RYR3: variants seen among roughly 807,000 people sequenced by gnomAD.
RYR3 encodes brain ryanodine receptor-calcium release channel.
RYR3 carries 207 observed loss-of-function variants against 584.3 expected under a neutral mutation model. The ratio of observed to expected loss-of-function variants is 0.35; its 90% CI spans 0.32 to 0.40. The LOEUF is 0.40. Among genes scored for constraint, RYR3 ranks in the 10% least tolerant of loss-of-function variants. RYR3 has a pLI of 1.00. For missense variants in RYR3, 5,616 were observed against 6,089.2 expected (o/e 0.92, Z 2.59); for synonymous variants, 2,416 against 2,248.5 (o/e 1.07, Z -2.11).
At chr15:33,430,533 G>A (rs12440037) in intron 1 of RYR3, among the ~76,000 whole-genome samples, 1 of 152,088 alleles carries the variant, frequency 6.6e-6, no homozygotes, top group Non-Finnish European at 1.5e-5. Flanking sequence ...AGGCCCCTTA[G>A]AAAGAAATTT....
intron 1 of RYR3, among the ~76,000 whole-genome samples, chr15:33,466,193 T>C (rs1203217714): frequency 6.6e-6 from 1 of 151,552 alleles, no homozygotes; most frequent in Non-Finnish European, 1.5e-5. Flanking sequence ...AAGGGGAGAG[T>C]ACAGGTAAAG....
In RYR3 at chr15:33,773,518, T is replaced by G; in HGVS notation, c.9056-16T>G. The G allele has an allele frequency of 6.3e-7, 1 of 1,580,062 alleles. No individual in the cohort carries two copies. The highest frequency in any genetic ancestry group is 8.7e-7 in the Non-Finnish European group (1 of 1,155,498). ...CAGGATTGATGCAAATCAATGATAT[T>G]TCTTCTTTGTTTCAGTGGGTGATGT... On this transcript the variant is annotated splice_polypyrimidine_tract_variant and intron_variant, in intron 63 of 103. Coordinates refer to ENST00000634891, the MANE Select transcript of RYR3 (RefSeq NM_001036.6).
intron 1 of RYR3, among the ~76,000 whole-genome samples, chr15:33,376,248 C>T (rs529910530): frequency 2.0e-5 from 3 of 152,246 alleles, no homozygotes; most frequent in African/African-American, 7.2e-5. Flanking sequence ...TGGCTTCTTT[C>T]CCTCAACCTA....
chr15:33,458,835 C>T (rs1216163144), intron 1 of RYR3, among the ~76,000 whole-genome samples: 1 of 152,168 alleles, frequency 6.6e-6, no homozygotes, highest in Non-Finnish European at 1.5e-5. Flanking sequence ...CTGGTGTTTT[C>T]TGGGGTCAAC....
At chr15:33,768,038 T>C (rs1235054652) in intron 60 of RYR3, among the ~76,000 whole-genome samples, 1 of 152,126 alleles carries the variant, frequency 6.6e-6, no homozygotes, top group African/African-American at 2.4e-5. Context: ...AACACAAAAA[T>C]ATACAACATG....
At chr15:33,366,811 A>C (rs534565682) in intron 1 of RYR3, among the ~76,000 whole-genome samples, 1 of 152,348 alleles carries the variant, frequency 6.6e-6, no homozygotes, top group African/African-American at 2.4e-5. Context: ...CTTGTTATAC[A>C]TAGTCCAAAT....
intron 60 of RYR3, among the ~76,000 whole-genome samples, chr15:33,766,390 G>A (rs1042286617): frequency 2.0e-5 from 3 of 152,048 alleles, no homozygotes; most frequent in Non-Finnish European, 4.4e-5. Flanking sequence ...GACAGGAGAC[G>A]CCCCATGCTA....
intron 38 of RYR3, among the ~76,000 whole-genome samples, chr15:33,685,181 G>T (rs1305957768): frequency 6.6e-6 from 1 of 152,218 alleles, no homozygotes; most frequent in Admixed American, 6.5e-5. Context: ...ACCCATCAGT[G>T]TGCTGTATTC....
intron 1 of RYR3, among the ~76,000 whole-genome samples, chr15:33,429,734 G>A (rs950522868): frequency 4.6e-5 from 7 of 152,160 alleles, no homozygotes; most frequent in African/African-American, 9.7e-5. Flanking sequence ...TGTTAAGCAC[G>A]TATAAGAAAA....
chr15:33,648,093 G>C (rs746304315), intron 30 of RYR3, among the ~76,000 whole-genome samples: 1 of 149,950 alleles, frequency 6.7e-6, no homozygotes, highest in Non-Finnish European at 1.5e-5. Flanking sequence ...TCAGGAACAA[G>C]ATTCTTGCTG....
At chr15:33,400,337 C>T (rs1309357055) in intron 1 of RYR3, among the ~76,000 whole-genome samples, 2 of 152,180 alleles carry the variant, frequency 1.3e-5, no homozygotes, top group Admixed American at 1.3e-4. Flanking sequence ...TCAACCCTAC[C>T]TACCACCAAC....
intron 65 of RYR3, among the ~76,000 whole-genome samples, chr15:33,784,422 TA>T (rs2074579880): frequency 6.6e-6 from 1 of 152,260 alleles, no homozygotes; most frequent in Non-Finnish European, 1.5e-5. Context: ...CCCAATTCAC[TA>T]AACATACATT....
intron 12 of RYR3, among the ~76,000 whole-genome samples, chr15:33,573,405 A>G (rs999502083): frequency 3.3e-5 from 5 of 152,196 alleles, no homozygotes; most frequent in African/African-American, 9.7e-5. Flanking sequence ...CATTAAGGCT[A>G]AGGGAATAGG....
At position 33,820,738 on chromosome 15, in the gene RYR3, C is replaced by G. The variant is rs1380317224; in HGVS notation, c.10759-18C>G. On this transcript the variant is annotated intron_variant, in intron 77 of 103. Coordinates refer to ENST00000634891, the MANE Select transcript of RYR3 (RefSeq NM_001036.6). ...TTTGATTGTCTGTCTTCTCCCTTCC[C>G]TGCTCCATGAAATCCAGAGTTGTCA... 2 of 1,599,722 alleles carry G rather than the reference C, an allele frequency of 1.3e-6. No individual in the cohort carries two copies. The highest frequency in any genetic ancestry group is 1.3e-5 in the African/African-American group (1 of 74,646).
At chr15:33,769,351 C>A (rs1293478885) in intron 62 of RYR3, among the ~76,000 whole-genome samples, 179 bp downstream of exon 62, 3 of 152,192 alleles carry the variant, frequency 2.0e-5, no homozygotes, top group Non-Finnish European at 4.4e-5. Context: ...TAACGAGAGC[C>A]ACTGCCATGG....
At chr15:33,590,279 C>G (rs951780776) in intron 16 of RYR3, among the ~76,000 whole-genome samples, 1 of 152,182 alleles carries the variant, frequency 6.6e-6, no homozygotes, top group African/African-American at 2.4e-5. Flanking sequence ...TGGACATATA[C>G]GTGCAGGTCT....
intron 1 of RYR3, among the ~76,000 whole-genome samples, chr15:33,368,312 T>C (rs1032155699): frequency 2.0e-5 from 3 of 151,886 alleles, no homozygotes; most frequent in Non-Finnish European, 4.4e-5. Context: ...AACAGGACTT[T>C]TGTTTCTTCA....
chr15:33,817,309 G>T (rs1311503178), intron 75 of RYR3, among the ~76,000 whole-genome samples: 1 of 152,198 alleles, frequency 6.6e-6, no homozygotes. Flanking sequence ...CTACTCTGTA[G>T]TTCTGCTTTG....
rs113590233 is a variant in RYR3, at chr15:33,805,677, C to T, written c.10012-1878C>T. 6.0e-3 allele frequency among the ~76,000 whole-genome samples: 905 copies of T among 151,698 alleles called. 4 individuals carry two copies. Among genetic ancestry groups the T allele is most frequent in the Middle Eastern group, 0.027 (8 of 294 alleles). ...TATTTTTAGTAGAGACAGGGTTTCA[C>T]TGTGTTAGCCAGGATGGTCTCGATC... On this transcript the variant is annotated intron_variant, in intron 69 of 103. Coordinates refer to ENST00000634891, the MANE Select transcript of RYR3 (RefSeq NM_001036.6).
Sources: gnomAD v4.1 joint callset for allele counts (sites outside exome capture counted in the v4.1 genomes callset) on GRCh38, gnomAD v4.1.1 for gene constraint, MANE v1.5 for transcripts, NCBI Gene and HGNC (gene_info 2026-07-23, HGNC 2026-07-21) for gene names.